The following DDX50 variants were observed in gnomAD, a reference collection of about 807,000 sequenced individuals.
DDX50 encodes ATP-dependent RNA helicase DDX50.
A neutral mutation model predicts 94.8 loss-of-function variants in DDX50; 56 were observed. The observed-to-expected ratio is 0.59, with a 90% confidence interval of 0.48 to 0.74. The LOEUF (loss-of-function observed/expected upper bound fraction) is 0.74. Ranked by LOEUF, DDX50 falls within the 30% of genes least tolerant of loss-of-function variation. The pLI is 0.00. For synonymous variants in DDX50, 264 were observed against 295.4 expected (o/e 0.89, Z 1.09); for missense variants, 713 against 881.2 (o/e 0.81, Z 2.42).
chr10:68,923,045 T>A (rs1188241066), intron 8 of DDX50, among the ~76,000 whole-genome samples: 1 of 136,640 alleles, frequency 7.3e-6, no homozygotes, highest in Non-Finnish European at 1.5e-5. Context: ...CGCCTTGGCC[T>A]CCCAAAGTGC....
Position 68,913,397 on chromosome 10 carries a change from A to G in DDX50, c.764A>G (p.His255Arg). Residue 255 changes from histidine to arginine, a missense_variant, in exon 6 of 15, where the codon CAT becomes CGT. Around this residue, in one of 2 missense-constraint regions of DDX50, gnomAD observed 428 missense variants for 602.3 expected, o/e 0.71. Coordinates refer to ENST00000373585, the MANE Select transcript of DDX50 (RefSeq NM_024045.2). Reference protein sequence around the residue: ...GGTSYQSQINHIRNGIDILVG... With the variant: ...GGTSYQSQINRIRNGIDILVG... ...CATTTCTCTCTTCTCACAGTTAATC[A>G]TATTCGAAATGGTATTGACATCTTG... The G allele has an allele frequency of 6.8e-6, 11 of 1,611,098 alleles. No homozygotes were observed. Among genetic ancestry groups the G allele is most frequent in the Non-Finnish European group, 9.3e-6 (11 of 1,178,936 alleles).
At chr10:68,928,225 A>G (rs1170882812) in intron 8 of DDX50, among the ~76,000 whole-genome samples, 3 of 152,196 alleles carry the variant, frequency 2.0e-5, no homozygotes, top group Non-Finnish European at 4.4e-5. Context: ...TGAGGTGGGA[A>G]GCATTTCTTG....
chr10:68,902,292 A>G (rs1017177697), intron 1 of DDX50, among the ~76,000 whole-genome samples: 2 of 152,016 alleles, frequency 1.3e-5, no homozygotes, highest in African/African-American at 4.8e-5. Flanking sequence ...TACTGGAGAC[A>G]TTTGACCTGG....
chr10:68,909,720 T>C (rs370862884), intron 2 of DDX50, among the ~76,000 whole-genome samples: 1 of 152,214 alleles, frequency 6.6e-6, no homozygotes, highest in African/African-American at 2.4e-5. Flanking sequence ...TGGAGTGCCA[T>C]GGTGCAATCT....
chr10:68,928,434 G>T (rs1169965101), intron 8 of DDX50, among the ~76,000 whole-genome samples: 1 of 152,208 alleles, frequency 6.6e-6, no homozygotes, highest in African/African-American at 2.4e-5. Flanking sequence ...ACTTTGGGAG[G>T]CCAAGGCAGG....
At chr10:68,914,891 G>T (rs1389679284) in intron 7 of DDX50, among the ~76,000 whole-genome samples, 1 of 151,962 alleles carries the variant, frequency 6.6e-6, no homozygotes, top group East Asian at 1.9e-4. Context: ...CCTGGTGGCG[G>T]GCCCCTGTAG....
intron 8 of DDX50, among the ~76,000 whole-genome samples, chr10:68,931,403 ATATATATG>A (rs1337978224): frequency 4.0e-4 from 23 of 58,108 alleles, no homozygotes; most frequent in Admixed American, 1.3e-3. Flanking sequence ...ATATATATAT[ATATATATG>A]TATATATATA....
Position 68,936,079 on chromosome 10 carries a change from G to A in DDX50, c.1595G>A (p.Arg532Lys), listed in dbSNP as rs1842399993. ...LVKSKSMDAI[R>K]SLASVSYAAV... ...AAATCTAAAAGCATGGATGCCATCA[G>A]GTATGCTTTCTGAACTTGCTGAATA... Residue 532 changes from arginine to lysine, a missense_variant and splice_region_variant, in exon 11 of 15, where the codon AGG (arginine) becomes AAG (lysine). Coordinates refer to ENST00000373585, the MANE Select transcript of DDX50 (RefSeq NM_024045.2). The A allele has an allele frequency of 1.2e-6, 2 of 1,606,666 alleles. No homozygotes were observed. The highest frequency in any genetic ancestry group is 1.7e-6 in the Non-Finnish European group (2 of 1,176,772).
chr10:68,934,170 A>G lies in DDX50; in HGVS notation c.1240-29A>G, dbSNP rs1488131682. On this transcript the variant is annotated intron_variant, in intron 8 of 14. Coordinates refer to ENST00000373585, the MANE Select transcript of DDX50 (RefSeq NM_024045.2). This position sits in a 1 kb window ranked among gnomAD's most constrained non-coding sequence, Gnocchi z 4.0. ...TATCAGTTGCAAGTATGAGCTGTAC[A>G]CTTAATTTTCTCCCCCTTTCTCAAA... The G allele has an allele frequency of 1.2e-6, 2 of 1,605,262 alleles. No homozygotes were observed. The highest frequency in any genetic ancestry group is 1.7e-5 in the Admixed American group (1 of 58,276).
At chr10:68,936,163 A>C (rs377289830) in intron 11 of DDX50, 84 bp downstream of exon 11, 10 of 1,080,884 alleles carry the variant, frequency 9.3e-6, no homozygotes, top group African/African-American at 6.4e-5. Flanking sequence ...AATAGCAGAA[A>C]ATTTTACCAC....
At chr10:68,929,285 C>CT in intron 8 of DDX50, among the ~76,000 whole-genome samples, 4 of 77,898 alleles carry the variant, frequency 5.1e-5, no homozygotes. Flanking sequence ...TCCTTCCTTC[C>CT]TTCCTTCCTC....
chr10:68,934,810 CTA>C lies in DDX50; in HGVS notation c.1417_1418del (p.Ile473ProfsTer8). On this transcript the variant is annotated frameshift_variant, in exon 10 of 15. Coordinates refer to ENST00000373585, the MANE Select transcript of DDX50 (RefSeq NM_024045.2). LOFTEE classifies it high-confidence loss of function. The surrounding 1 kb of genome is among the most constrained non-coding windows in gnomAD (Gnocchi z 4.0). ...TTTATAATCTTTAGGATGTTGAGTC[CTA>C]TATCCATCGCTCTGGACGCACAGGT... Reference protein sequence around the residue: ...QSSPPQDVESYIHRSGRTGRA... With the variant: ...QSSPPQDVESXIHRSGRTGRA... 6.2e-7 allele frequency: 1 copy of C among 1,608,282 alleles called. No individual in the cohort carries two copies. The highest frequency in any genetic ancestry group is 8.5e-7 in the Non-Finnish European group (1 of 1,178,170).
intron 4 of DDX50, among the ~76,000 whole-genome samples, 195 bp downstream of exon 4, chr10:68,911,441 GTGTA>G (rs1564602362): frequency 6.6e-6 from 1 of 152,196 alleles, no homozygotes; most frequent in African/African-American, 2.4e-5. Context: ...TGAATGTGAT[GTGTA>G]TGGATCCATA....
At chr10:68,943,764 G>A (rs1325267390) in intron 14 of DDX50, among the ~76,000 whole-genome samples, 1 of 152,034 alleles carries the variant, frequency 6.6e-6, no homozygotes, top group African/African-American at 2.4e-5. Context: ...AAAAATTTTT[G>A]TAGAAACAGA....
intron 12 of DDX50, among the ~76,000 whole-genome samples, chr10:68,940,561 C>G (rs1018624124): frequency 2.0e-5 from 3 of 151,730 alleles, no homozygotes; most frequent in Non-Finnish European, 2.9e-5. Flanking sequence ...TAGGAGTAGG[C>G]CACCATGCCT....
rs758574979 is a variant in DDX50, at chr10:68,934,628, G to T, written c.1402-171G>T. Reference sequence around the variant, plus strand: ...AACCTGGGATGAGGTGGATTAAAAGGTTTTAAATCATATTGCCTTTACCCC... The same window carrying T: ...AACCTGGGATGAGGTGGATTAAAAGTTTTTAAATCATATTGCCTTTACCCC... On this transcript the variant is annotated intron_variant, in intron 9 of 14. Transcript: ENST00000373585. The surrounding 1 kb of genome is among the most constrained non-coding windows in gnomAD (Gnocchi z 4.0). Among the ~76,000 whole-genome samples, 2 of 152,018 alleles carry T rather than the reference G, an allele frequency of 1.3e-5. No homozygotes were observed. The highest frequency in any genetic ancestry group is 4.8e-5 in the African/African-American group (2 of 41,386).
chr10:68,916,808 C>T (rs1226504890), intron 7 of DDX50, among the ~76,000 whole-genome samples: 1 of 152,264 alleles, frequency 6.6e-6, no homozygotes, highest in East Asian at 1.9e-4. Context: ...CCTCAGCCTC[C>T]TGAGTAGCTG....
intron 10 of DDX50, among the ~76,000 whole-genome samples, chr10:68,935,426 G>GT (rs139743587): frequency 0.02 from 2,937 of 143,742 alleles, 43 homozygotes; most frequent in African/African-American, 0.043. Context: ...GTTTTGTTTT[G>GT]TTTTTTTTTC....
chr10:68,936,806 G>T, intron 11 of DDX50, 130 bp from the exon 12 acceptor site: 1 of 864,802 alleles, frequency 1.2e-6, no homozygotes, highest in Non-Finnish European at 1.7e-6. Context: ...GTGCCAGTGC[G>T]CTCCAGACTG....
Sources: gnomAD v4.1 joint callset for allele counts (sites outside exome capture counted in the v4.1 genomes callset) on GRCh38, gnomAD v4.1.1 for gene constraint, gnomAD v4.1.1 regional missense constraint, Gnocchi (gnomAD v3.1) non-coding constraint, MANE v1.5 for transcripts, NCBI Gene and HGNC (gene_info 2026-07-23, HGNC 2026-07-21) for gene names.